TVP23B: variants seen among roughly 807,000 people sequenced by gnomAD.
The protein encoded by TVP23B is Golgi apparatus membrane protein TVP23 homolog B.
Under a neutral mutation model 30.6 loss-of-function variants are expected in TVP23B, and 10 were observed. The observed-to-expected ratio is 0.33, with a 90% confidence interval of 0.20 to 0.55. TVP23B has a LOEUF of 0.55. TVP23B is among the 20% of genes least tolerant of loss of function. The probability of loss-of-function intolerance (pLI) is 0.91; values close to 1 mark genes in which losing one functional copy is unlikely to be tolerated. For synonymous variants in TVP23B, 67 were observed against 83.1 expected (o/e 0.81, Z 1.06); for missense variants, 153 against 243.2 (o/e 0.63, Z 2.47).
intron 2 of TVP23B, among the ~76,000 whole-genome samples, chr17:18,790,463 C>CAAAA (rs1465361992): frequency 4.1e-5 from 1 of 24,560 alleles, no homozygotes; most frequent in Non-Finnish European, 8.0e-5. Context: ...GACTCCGTCT[C>CAAAA]AAAAAAAAAA....
chr17:18,797,381 C>A, intron 3 of TVP23B, 198 bp from the exon 4 acceptor site: 1 of 831,038 alleles, frequency 1.2e-6, no homozygotes, highest in Non-Finnish European at 1.8e-6. Flanking sequence ...TCTGTCACCT[C>A]TACCCCTATT....
chr17:18,796,531 G>T (rs924009879), intron 3 of TVP23B: 1 of 152,118 alleles, frequency 6.6e-6, no homozygotes, highest in Admixed American at 6.6e-5. Flanking sequence ...CAACAAGAGC[G>T]AAACTCTGTC....
Position 18,785,632 on chromosome 17 carries a change from G to T in TVP23B, c.13-3721G>T, listed in dbSNP as rs12450036. Among the ~76,000 whole-genome samples, 770 of 152,144 alleles carry T rather than the reference G, an allele frequency of 5.1e-3. 3 individuals are homozygous for T. The highest frequency in any genetic ancestry group is 0.012 in the Admixed American group (180 of 15,280). ...CTCATGCCTCTAATCGTAGCACTTT[G>T]GGAGGCTAAGGCAGGAGAATTGCTT... On this transcript the variant is annotated intron_variant, in intron 1 of 6. Transcript: ENST00000307767.
chr17:18,789,081 G>C (rs2035952640), intron 1 of TVP23B: 1 of 433,322 alleles, frequency 2.3e-6, no homozygotes, highest in Non-Finnish European at 4.3e-6. Flanking sequence ...AGTTGTAGTA[G>C]CCTCATCTGC....
At chr17:18,792,353 G>T (rs540316493) in intron 3 of TVP23B, among the ~76,000 whole-genome samples, 1 of 152,180 alleles carries the variant, frequency 6.6e-6, no homozygotes, top group Non-Finnish European at 1.5e-5. Flanking sequence ...AATTCTTAAA[G>T]ATACCTGAAG....
At chr17:18,784,048 G>A (rs748179261) in intron 1 of TVP23B, among the ~76,000 whole-genome samples, 1 of 152,138 alleles carries the variant, frequency 6.6e-6, no homozygotes, top group Non-Finnish European at 1.5e-5. Flanking sequence ...GGGAAGCTGA[G>A]GCAGGAGAAT....
intron 1 of TVP23B, among the ~76,000 whole-genome samples, chr17:18,788,762 A>T (rs2035948995): frequency 6.6e-6 from 1 of 152,218 alleles, no homozygotes; most frequent in Non-Finnish European, 1.5e-5. Context: ...AGCCTGGGTG[A>T]TGAGCAAAAC....
intron 1 of TVP23B, among the ~76,000 whole-genome samples, chr17:18,783,769 T>C (rs1457421545): frequency 6.6e-6 from 1 of 152,248 alleles, no homozygotes; most frequent in Non-Finnish European, 1.5e-5. Flanking sequence ...AGTAATTCTC[T>C]TTCTTGTATC....
chr17:18,803,377 C>T (rs1422542896), intron 5 of TVP23B, among the ~76,000 whole-genome samples: 1 of 152,130 alleles, frequency 6.6e-6, no homozygotes, highest in Non-Finnish European at 1.5e-5. Context: ...ATGATTTGAC[C>T]CTTTACAGGA....
intron 3 of TVP23B, chr17:18,795,748 A>G (rs561558460): frequency 6.6e-6 from 1 of 152,220 alleles, no homozygotes; most frequent in Non-Finnish European, 1.5e-5. Flanking sequence ...GGTTTCAGTT[A>G]CTGCTATACA....
At chr17:18,792,665 C>A (rs561439907) in intron 3 of TVP23B, among the ~76,000 whole-genome samples, 11 of 152,038 alleles carry the variant, frequency 7.2e-5, no homozygotes, top group Non-Finnish European at 1.3e-4. Flanking sequence ...TTAAAAAATG[C>A]GATCAAAATA....
chr17:18,790,274 C>CT (rs1209514379), intron 2 of TVP23B, among the ~76,000 whole-genome samples: 1 of 151,904 alleles, frequency 6.6e-6, no homozygotes, highest in East Asian at 1.9e-4. Flanking sequence ...ATCATCCTGG[C>CT]TAACATGGTG....
intron 5 of TVP23B, among the ~76,000 whole-genome samples, chr17:18,803,521 C>T (rs2036199361): frequency 6.6e-6 from 1 of 152,278 alleles, no homozygotes; most frequent in East Asian, 1.9e-4. Context: ...TCTCATTGAT[C>T]CTAGTGGGAT....
intron 1 of TVP23B, among the ~76,000 whole-genome samples, chr17:18,785,709 G>T (rs1305563153): frequency 6.6e-6 from 1 of 152,046 alleles, no homozygotes; most frequent in Non-Finnish European, 1.5e-5. Context: ...CCCTATTTCT[G>T]CAAGAAATTA....
At chr17:18,781,468 T>C (rs1370642821) in intron 1 of TVP23B, 163 bp downstream of exon 1, 8 of 1,332,672 alleles carry the variant, frequency 6.0e-6, no homozygotes, top group Non-Finnish European at 8.0e-6. Context: ...GGAGGGCTGC[T>C]GGGGGTTCTG....
intron 1 of TVP23B, among the ~76,000 whole-genome samples, chr17:18,784,514 A>T (rs541275120): frequency 2.3e-3 from 346 of 152,218 alleles, no homozygotes; most frequent in Middle Eastern, 0.014. Flanking sequence ...GGGTGGTGGC[A>T]TGTGCCTGTG....
At chr17:18,794,636 G>A (rs1250412330) in intron 3 of TVP23B, among the ~76,000 whole-genome samples, 2 of 152,092 alleles carry the variant, frequency 1.3e-5, no homozygotes, top group Non-Finnish European at 2.9e-5. Flanking sequence ...GAGAAATCAG[G>A]AAAATAAACT....
At chr17:18,786,149 G>T (rs907512384) in intron 1 of TVP23B, among the ~76,000 whole-genome samples, 1 of 152,086 alleles carries the variant, frequency 6.6e-6, no homozygotes, top group Non-Finnish European at 1.5e-5. Flanking sequence ...TGTTTCCCTT[G>T]TAAGGACCAT....
intron 3 of TVP23B, 146 bp from the exon 4 acceptor site, chr17:18,797,433 T>G: frequency 6.9e-7 from 1 of 1,450,072 alleles, no homozygotes; most frequent in South Asian, 1.4e-5. Flanking sequence ...TAGCCAGGCC[T>G]GATACATAGT....
Sources: allele counts gnomAD v4.1 joint callset (sites outside exome capture counted in the v4.1 genomes callset), GRCh38; gene constraint gnomAD v4.1.1; transcripts MANE v1.5; gene names NCBI Gene and HGNC (gene_info 2026-07-23, HGNC 2026-07-21).